THEMIS2: variants seen among roughly 807,000 people sequenced by gnomAD.
THEMIS2 encodes thymocyte selection associated family member 2, also known as protein THEMIS2.
A neutral mutation model predicts 46.8 loss-of-function variants in THEMIS2; 29 were observed. The observed-to-expected ratio is 0.62, with a 90% CI of 0.46 to 0.84. The LOEUF (loss-of-function observed/expected upper bound fraction) is 0.84. THEMIS2 is among the 40% of genes least tolerant of loss of function. The pLI is 0.00. For missense variants in THEMIS2, 698 were observed against 834.7 expected (o/e 0.84, Z 2.02); for synonymous variants, 335 against 349.1 (o/e 0.96, Z 0.45).
intron 3 of THEMIS2, among the ~76,000 whole-genome samples, chr1:27,880,406 G>A (rs2089659426): frequency 6.6e-6 from 1 of 152,078 alleles, no homozygotes; most frequent in African/African-American, 2.4e-5. Context: ...GGCAGGTCTT[G>A]AACTCCTGAC....
intron 2 of THEMIS2, among the ~76,000 whole-genome samples, chr1:27,879,079 G>C (rs746341006): frequency 3.9e-5 from 6 of 152,026 alleles, no homozygotes; most frequent in Non-Finnish European, 8.8e-5. Flanking sequence ...GTCTGGAAGC[G>C]AGGTATTTAG....
rs111822413 is a variant in THEMIS2, at chr1:27,874,984, C to CTT, written c.95-1593_95-1592dup. On this transcript the variant is annotated intron_variant, in intron 1 of 5. Transcript: ENST00000373921. ...GAGGCTGTTTCTTTTTCTTCTTCTT[C>CTT]TTTTTTTTTTTTGAGATGGAGTCTC... Among the ~76,000 whole-genome samples, 33 of 146,042 alleles carry CTT rather than the reference C, an allele frequency of 2.3e-4. No individual in the cohort carries two copies. In the East Asian group the frequency reaches 2.4e-3, roughly 11 times the overall value.
rs1396248769 is a variant in THEMIS2 at position 27,879,934 on chromosome 1, C to T, written c.526C>T (p.Arg176Ter). Residue 176 changes from arginine (R) to a stop codon, truncating the protein, a stop_gained, in exon 3 of 6, where the codon CGA becomes TGA. Transcript: ENST00000373921. LOFTEE classifies it high-confidence loss of function. Reference protein sequence around the residue: ...PFWTWEPSAPRTLLQVLQDPA... With the variant: ...PFWTWEPSAP ...CTGGACATGGGAGCCTAGTGCCCCT[C>T]GAACTCTGCTCCAGGTCCTACAGGA... 11 of 1,611,086 alleles carry T rather than the reference C, an allele frequency of 6.8e-6. No individual in the cohort carries two copies. The highest frequency in any genetic ancestry group is 6.8e-6 in the Non-Finnish European group (8 of 1,178,722).
In THEMIS2 at chr1:27,880,059, G is replaced by A. The variant is rs763570847; in HGVS notation, c.646+5G>A. ...AGATCCAAGCCATCATGCACAGTGA[G>A]TTGCCTGGGCAGATGGATGCGCGCT... On this transcript the variant is annotated splice_donor_5th_base_variant and intron_variant, in intron 3 of 5. Transcript: ENST00000373921. The A allele has an allele frequency of 6.3e-5, 100 of 1,588,516 alleles. No individual in the cohort carries two copies. The highest frequency in any genetic ancestry group is 8.4e-5 in the Non-Finnish European group (97 of 1,160,986).
At position 27,886,229 on chromosome 1, in the gene THEMIS2, G is replaced by A. The variant is rs2089769672; in HGVS notation, c.*307G>A. 1 of 400,232 alleles carries A rather than the reference G, an allele frequency of 2.5e-6. No individual in the cohort carries two copies. The highest frequency in any genetic ancestry group is 2.9e-5 in the South Asian group (1 of 34,458). 24.8% of individuals were successfully genotyped at this position (400,232 alleles called of 1,614,324 possible). ...CTGCAACCCCAGCTGTCCCACCGGT[G>A]GATGCAGAGGGGAATCCGAGGCCAT... On this transcript the variant is annotated 3_prime_UTR_variant, in exon 6 of 6. Transcript: ENST00000373921.
chr1:27,876,060 C>T (rs1002404638), intron 1 of THEMIS2, among the ~76,000 whole-genome samples: 3 of 152,038 alleles, frequency 2.0e-5, no homozygotes, highest in Non-Finnish European at 4.4e-5. Context: ...CTCACTCTGT[C>T]AGTGCCCCTC....
At position 27,886,028 on chromosome 1, in the gene THEMIS2, G is replaced by A; in HGVS notation, c.*106G>A. 1 of 1,036,254 alleles carries A rather than the reference G, an allele frequency of 9.7e-7. No homozygotes were observed. The highest frequency in any genetic ancestry group is 1.5e-6 in the Non-Finnish European group (1 of 670,734). 64.2% of individuals were successfully genotyped at this position (1,036,254 alleles called of 1,614,324 possible). ...CTCGGGCAAGTCTCACAGAAACTGA[G>A]CTGCAGACGGGGAGTAGCTTTGTGG... On this transcript the variant is annotated 3_prime_UTR_variant, in exon 6 of 6. Coordinates refer to ENST00000373921, the MANE Select transcript of THEMIS2 (RefSeq NM_001105556.3).
At position 27,882,164 on chromosome 1, in the gene THEMIS2, G is replaced by C; in HGVS notation, c.840G>C (p.Val280=). The C allele has an allele frequency of 6.2e-7, 1 of 1,614,126 alleles. No homozygotes were observed. Among genetic ancestry groups the C allele is most frequent in the Non-Finnish European group, 8.5e-7 (1 of 1,180,000 alleles). Residue 280 remains valine (V), a synonymous_variant, in exon 4 of 6, where the codon GTG becomes GTC. Transcript: ENST00000373921. The surrounding 1 kb of genome is among the most constrained non-coding windows in gnomAD (Gnocchi z 7.6). ...GCCCCATCTTCCTCAGCCCGTGGGT[G>C]GGCTCCTTGCAAAAAGGCCAGAGGC... ...EGRPIFLSPW[V]GSLQKGQRLC... is the part of the protein sequence containing the mutation.
At chr1:27,873,832 G>A (rs148985873) in intron 1 of THEMIS2, among the ~76,000 whole-genome samples, 173 of 152,208 alleles carry the variant, frequency 1.1e-3, no homozygotes, top group African/African-American at 3.9e-3. Context: ...TGCCTGACGC[G>A]GGATGGTGGA....
chr1:27,876,222 AG>A (rs1557446423), intron 1 of THEMIS2, among the ~76,000 whole-genome samples: 2 of 151,072 alleles, frequency 1.3e-5, no homozygotes, highest in East Asian at 4.0e-4. Context: ...AGGCTCAGAG[AG>A]GGGGATTCAC....
rs1020374124 is a variant in THEMIS2 at position 27,872,978 on chromosome 1, C to G, written c.94+313C>G. 8.5e-5 allele frequency among the ~76,000 whole-genome samples: 13 copies of G among 152,100 alleles called. No homozygotes were observed. The highest frequency in any genetic ancestry group is 3.1e-4 in the African/African-American group (13 of 41,422). On this transcript the variant is annotated intron_variant, in intron 1 of 5. Coordinates refer to ENST00000373921, the MANE Select transcript of THEMIS2 (RefSeq NM_001105556.3). This position sits in a 1 kb window ranked among gnomAD's most constrained non-coding sequence, Gnocchi z 4.9. ...GCATGGGACAGAGCTCCGACCGCGC[C>G]GGGACGCAGCATTAGGCCGCTGGTG...
At chr1:27,885,266 C>T (rs185853171) in intron 4 of THEMIS2, 29 bp from the exon 5 acceptor site, 1 of 1,611,230 alleles carries the variant, frequency 6.2e-7, no homozygotes. Flanking sequence ...TTCTTGAGAC[C>T]CTGATGATTT....
chr1:27,872,775 A>G lies in THEMIS2; in HGVS notation c.94+110A>G, dbSNP rs2089510349. The G allele has an allele frequency of 4.6e-6, 4 of 876,698 alleles. No homozygotes were observed. Among genetic ancestry groups the G allele is most frequent in the Non-Finnish European group, 1.5e-6 (1 of 654,762 alleles). The allele number at this position is 876,698 out of a possible 1,614,324, so 54.3% of individuals were successfully genotyped here. On this transcript the variant is annotated intron_variant, in intron 1 of 5. Coordinates refer to ENST00000373921, the MANE Select transcript of THEMIS2 (RefSeq NM_001105556.3). This position sits in a 1 kb window ranked among gnomAD's most constrained non-coding sequence, Gnocchi z 4.9. ...AAACTGCCCCTGGGTTCAAATCCCG[A>G]CACTGCCACTGGCCAAGCTGTGTGA...
intron 1 of THEMIS2, among the ~76,000 whole-genome samples, chr1:27,873,118 G>GGCAAA (rs2089517164): frequency 6.6e-6 from 1 of 152,036 alleles, no homozygotes; most frequent in South Asian, 2.1e-4. Context: ...GTCCACCTTG[G>GGCAAA]CCTTCTGTTT....
In THEMIS2 at chr1:27,875,793, C is replaced by T. The variant is rs1031284826; in HGVS notation, c.95-795C>T. ...TCGGCTCACTGCAAGCTCCGCCTCC[C>T]GGGTTCACGCCATTCTCCTGCCTCA... On this transcript the variant is annotated intron_variant, in intron 1 of 5. Coordinates refer to ENST00000373921, the MANE Select transcript of THEMIS2 (RefSeq NM_001105556.3). 1.6e-4 allele frequency among the ~76,000 whole-genome samples: 24 copies of T among 152,138 alleles called. No homozygotes were observed. The East Asian group carries it at 3.9e-3, about 25-fold the overall frequency.
rs1426810677 is a variant in THEMIS2, at chr1:27,881,957, G to GC, written c.647-10dup. 3.1e-6 allele frequency: 5 copies of GC among 1,589,622 alleles called. No homozygotes were observed. The Admixed American group carries it at 5.1e-5, about 16-fold the overall frequency. ...GGGTGGCATGCAGTGCCACTGAGCT[G>GC]CCCCTCTCCACAGTGCGCAGGACCA... On this transcript the variant is annotated splice_polypyrimidine_tract_variant and intron_variant, in intron 3 of 5. Coordinates refer to ENST00000373921, the MANE Select transcript of THEMIS2 (RefSeq NM_001105556.3).
chr1:27,885,943 C>A lies in THEMIS2; in HGVS notation c.*21C>A. 6.2e-7 allele frequency: 1 copy of A among 1,613,004 alleles called. No individual in the cohort carries two copies. On this transcript the variant is annotated 3_prime_UTR_variant, in exon 6 of 6. Transcript: ENST00000373921. ...TCTAAGTGCTGGAGGAACCACGCTTCCTAACTGCTGCTTCTCAGGGAATCC... is the reference window on the plus strand; with the variant it reads ...TCTAAGTGCTGGAGGAACCACGCTTACTAACTGCTGCTTCTCAGGGAATCC...
At chr1:27,874,607 C>T (rs538970463) in intron 1 of THEMIS2, among the ~76,000 whole-genome samples, 1 of 151,624 alleles carries the variant, frequency 6.6e-6, no homozygotes, top group Admixed American at 6.6e-5. Context: ...CATACTGAGA[C>T]CGTGTCTCTA....
At chr1:27,874,033 G>GTTTTCTTTTTT (rs2089534391) in intron 1 of THEMIS2, among the ~76,000 whole-genome samples, 1 of 97,164 alleles carries the variant, frequency 1.0e-5, no homozygotes, top group Non-Finnish European at 1.8e-5. Context: ...TTCAACCTAG[G>GTTTTCTTTTTT]TTTTTTTTTT....
Sources: gnomAD v4.1 joint callset for allele counts (sites outside exome capture counted in the v4.1 genomes callset) on GRCh38, gnomAD v4.1.1 for gene constraint, Gnocchi (gnomAD v3.1) non-coding constraint, MANE v1.5 for transcripts, NCBI Gene and HGNC (gene_info 2026-07-23, HGNC 2026-07-21) for gene names.